The following MAGI2 variants were observed in gnomAD, a reference collection of about 807,000 sequenced individuals.
MAGI2 encodes membrane associated guanylate kinase, WW and PDZ domain containing 2.
A neutral mutation model predicts 133.3 loss-of-function variants in MAGI2; 35 were observed. The ratio of observed to expected loss-of-function variants is 0.26; its 90% CI spans 0.20 to 0.35. The LOEUF is 0.35. Among genes scored for constraint, MAGI2 ranks in the 10% least tolerant of loss-of-function variants. MAGI2 has a pLI of 1.00. For missense variants in MAGI2, 1,636 were observed against 1,863.4 expected, an observed-to-expected ratio of 0.88 and a Z score of 2.25; for synonymous variants, 729 against 710.6, an observed-to-expected ratio of 1.03 and a Z score of -0.41.
intron 2 of MAGI2, among the ~76,000 whole-genome samples, chr7:78,714,881 G>T (rs1819553959): frequency 1.3e-5 from 2 of 152,168 alleles, no homozygotes; most frequent in Admixed American, 1.3e-4. Flanking sequence ...AATGGCAAGA[G>T]CTTTGATTAA....
At chr7:78,141,974 C>T (rs1735061890) in intron 16 of MAGI2, among the ~76,000 whole-genome samples, 2 of 152,160 alleles carry the variant, frequency 1.3e-5, no homozygotes, top group South Asian at 2.1e-4. Context: ...TAGCTAAGTA[C>T]TGAGAGTAAA....
intron 1 of MAGI2, among the ~76,000 whole-genome samples, chr7:79,341,308 C>T (rs940421588): frequency 2.0e-5 from 3 of 151,990 alleles, no homozygotes; most frequent in Non-Finnish European, 2.9e-5. Flanking sequence ...TACTGGCTGG[C>T]AGCATATCTG....
At chr7:79,280,206 A>G (rs1398798827) in intron 1 of MAGI2, among the ~76,000 whole-genome samples, 9 of 152,184 alleles carry the variant, frequency 5.9e-5, no homozygotes, top group Admixed American at 2.6e-4. Flanking sequence ...CCTAACAGAG[A>G]TGACGTAGAG....
At chr7:78,203,541 C>A (rs1281471541) in intron 10 of MAGI2, among the ~76,000 whole-genome samples, 2 of 152,142 alleles carry the variant, frequency 1.3e-5, no homozygotes, top group Admixed American at 6.5e-5. Context: ...ATTGGTGCAA[C>A]CCAGGGCTCC....
chr7:78,241,628 T>A (rs1293129587), intron 10 of MAGI2, among the ~76,000 whole-genome samples: 1 of 152,100 alleles, frequency 6.6e-6, no homozygotes, highest in African/African-American at 2.4e-5. Context: ...CATCACTATA[T>A]CATGTTAGAA....
intron 1 of MAGI2, among the ~76,000 whole-genome samples, chr7:79,131,869 T>TA (rs757119898): frequency 7.9e-5 from 12 of 152,162 alleles, no homozygotes; most frequent in Non-Finnish European, 1.8e-4. Context: ...ATGATAGCCG[T>TA]ACCCTTTCAA....
intron 2 of MAGI2, among the ~76,000 whole-genome samples, chr7:78,944,738 T>TTTATTTAC (rs1291722582): frequency 0.017 from 1,758 of 105,792 alleles, 29 homozygotes; most frequent in African/African-American, 0.043. Flanking sequence ...TATTTATTTA[T>TTTATTTAC]TTACTTATTT....
At chr7:79,396,560 C>T (rs1845070588) in intron 1 of MAGI2, among the ~76,000 whole-genome samples, 1 of 152,098 alleles carries the variant, frequency 6.6e-6, no homozygotes, top group Admixed American at 6.5e-5. Context: ...AGGCTCTGAA[C>T]CATTTCATGA....
intron 2 of MAGI2, among the ~76,000 whole-genome samples, chr7:78,737,568 C>T (rs1445031116): frequency 6.6e-6 from 1 of 152,130 alleles, no homozygotes; most frequent in Non-Finnish European, 1.5e-5. Context: ...AGATTTTCTT[C>T]ATATACTTCA....
intron 2 of MAGI2, among the ~76,000 whole-genome samples, chr7:78,803,431 C>G (rs1167413147): frequency 6.6e-6 from 1 of 152,044 alleles, no homozygotes. Flanking sequence ...CAGTTAAATC[C>G]AAACCGAAAC....
intron 15 of MAGI2, among the ~76,000 whole-genome samples, chr7:78,163,199 G>T (rs959388366): frequency 2.0e-5 from 3 of 152,036 alleles, no homozygotes; most frequent in African/African-American, 7.2e-5. Context: ...GTGCAGTGGC[G>T]CGGTCTTGGC....
At chr7:79,264,357 G>T (rs6968269) in intron 1 of MAGI2, among the ~76,000 whole-genome samples, 87,022 of 152,010 alleles carry the variant, frequency 0.57, 26,701 homozygotes, top group Non-Finnish European at 0.69. Flanking sequence ...AAAATGTAGG[G>T]GTTTTTTGGT....
At chr7:78,408,714 T>A (rs986601328) in intron 6 of MAGI2, among the ~76,000 whole-genome samples, 2 of 152,054 alleles carry the variant, frequency 1.3e-5, no homozygotes, top group East Asian at 3.9e-4. Flanking sequence ...ACACATCAAA[T>A]TTTGAAGATG....
intron 6 of MAGI2, among the ~76,000 whole-genome samples, chr7:78,405,639 C>A (rs545875176): frequency 1.3e-5 from 2 of 152,064 alleles, no homozygotes; most frequent in East Asian, 1.9e-4. Context: ...AAACATAAAA[C>A]CTTTTTAGCT....
At chr7:78,295,619 A>T (rs538845784) in intron 9 of MAGI2, among the ~76,000 whole-genome samples, 1 of 152,324 alleles carries the variant, frequency 6.6e-6, no homozygotes, top group East Asian at 1.9e-4. Flanking sequence ...GTGAGCAACT[A>T]CACTAGCAAT....
chr7:78,536,775 T>C (rs1161778474), intron 3 of MAGI2, among the ~76,000 whole-genome samples: 1 of 116,264 alleles, frequency 8.6e-6, no homozygotes, highest in Non-Finnish European at 1.8e-5. Context: ...TTTTTTTTTT[T>C]CTGGAGACAG....
At chr7:78,046,106 G>A (rs1811388283) in intron 21 of MAGI2, among the ~76,000 whole-genome samples, 1 of 151,866 alleles carries the variant, frequency 6.6e-6, no homozygotes. Flanking sequence ...ACCAGAAATA[G>A]GAATGTGGGC....
intron 2 of MAGI2, among the ~76,000 whole-genome samples, chr7:78,793,603 G>A (rs1308500461): frequency 6.6e-6 from 1 of 152,068 alleles, no homozygotes; most frequent in Non-Finnish European, 1.5e-5. Context: ...TAATGATGGG[G>A]CAAAGGAGAA....
At chr7:78,916,340 A>G (rs1484295174) in intron 2 of MAGI2, among the ~76,000 whole-genome samples, 1 of 152,150 alleles carries the variant, frequency 6.6e-6, no homozygotes, top group African/African-American at 2.4e-5. Context: ...ATTGCTTTGA[A>G]TAGCATTCAT....
Sources: gnomAD v4.1 joint callset for allele counts (sites outside exome capture counted in the v4.1 genomes callset) on GRCh38, gnomAD v4.1.1 for gene constraint, MANE v1.5 for transcripts, NCBI Gene and HGNC (gene_info 2026-07-23, HGNC 2026-07-21) for gene names.